ERC1: variants seen among roughly 807,000 people sequenced by gnomAD.
The protein encoded by ERC1 is ELKS/RAB6-interacting/CAST family member 1, also known as RAB6 interacting protein 2.
ERC1 carries 56 observed loss-of-function variants against 132.0 expected under a neutral mutation model. The observed-to-expected ratio is 0.42, with a 90% CI of 0.34 to 0.53. The LOEUF is 0.53. ERC1 is among the 20% of genes least tolerant of loss of function. The pLI is 0.03. For synonymous variants in ERC1, 478 were observed against 476.1 expected, an observed-to-expected ratio of 1.00 and a Z score of -0.05; for missense variants, 1,202 against 1,349.9, an observed-to-expected ratio of 0.89 and a Z score of 1.72.
chr12:1,473,154 T>C (rs1195438052), intron 18 of ERC1, among the ~76,000 whole-genome samples: 1 of 152,076 alleles, frequency 6.6e-6, no homozygotes, highest in African/African-American at 2.4e-5. Context: ...GCTTCCTGAG[T>C]AGCTAGGATT....
At chr12:1,289,111 A>G (rs1347475748) in intron 14 of ERC1, among the ~76,000 whole-genome samples, 1 of 145,818 alleles carries the variant, frequency 6.9e-6, no homozygotes, top group East Asian at 2.0e-4. Context: ...ACACACACAC[A>G]CACACACACA....
chr12:1,296,536 C>T (rs939388074), intron 15 of ERC1, among the ~76,000 whole-genome samples: 4 of 151,300 alleles, frequency 2.6e-5, no homozygotes, highest in African/African-American at 9.7e-5. Flanking sequence ...GCCTCAGCCT[C>T]CCGAGTAGCT....
At chr12:996,356 CCT>C (rs1960907949) in intron 1 of ERC1, among the ~76,000 whole-genome samples, 2 of 147,770 alleles carry the variant, frequency 1.4e-5, no homozygotes, top group African/African-American at 5.0e-5. Flanking sequence ...CGCGCCTTGG[CCT>C]CTCAGAGTGC....
intron 12 of ERC1, chr12:1,204,388 C>A: frequency 1.2e-6 from 1 of 863,974 alleles, no homozygotes; most frequent in Non-Finnish European, 1.8e-6. Context: ...TCCTTCCCTT[C>A]TCTAATCCTG....
At chr12:1,348,074 T>C (rs1032505427) in intron 15 of ERC1, among the ~76,000 whole-genome samples, 1 of 152,198 alleles carries the variant, frequency 6.6e-6, no homozygotes, top group African/African-American at 2.4e-5. Context: ...CATTTTACAA[T>C]GTGTTGTCTG....
intron 1 of ERC1, among the ~76,000 whole-genome samples, chr12:993,490 G>C (rs1357601908): frequency 6.6e-6 from 1 of 152,182 alleles, no homozygotes; most frequent in Non-Finnish European, 1.5e-5. Context: ...AATGTTGCTT[G>C]CTAGTCATTA....
At chr12:1,015,349 A>G (rs993139481) in intron 1 of ERC1, among the ~76,000 whole-genome samples, 7 of 152,126 alleles carry the variant, frequency 4.6e-5, no homozygotes, top group Admixed American at 3.3e-4. Flanking sequence ...ATGAGCCACC[A>G]TGCCTGGCCA....
intron 14 of ERC1, among the ~76,000 whole-genome samples, chr12:1,288,897 GA>G (rs1240216920): frequency 6.6e-6 from 1 of 151,994 alleles, no homozygotes; most frequent in Non-Finnish European, 1.5e-5. Flanking sequence ...TAGCCACCTG[GA>G]ATAAGTGGAA....
chr12:1,206,905 T>A (rs549228401), intron 12 of ERC1, among the ~76,000 whole-genome samples: 1 of 152,250 alleles, frequency 6.6e-6, no homozygotes, highest in South Asian at 2.1e-4. Flanking sequence ...AGGTTGCACA[T>A]TTTTTGTGTG....
intron 15 of ERC1, among the ~76,000 whole-genome samples, chr12:1,341,063 C>CTTTTTTTTTTTTTTTT (rs1437502422): frequency 4.4e-5 from 2 of 45,160 alleles, no homozygotes; most frequent in Non-Finnish European, 9.1e-5. Context: ...TTATTCTTTT[C>CTTTTTTTTTTTTTTTT]TTTTTCTTTT....
intron 2 of ERC1, among the ~76,000 whole-genome samples, chr12:1,048,767 G>T (rs2154166685): frequency 6.6e-6 from 1 of 152,280 alleles, no homozygotes; most frequent in Non-Finnish European, 1.5e-5. Flanking sequence ...TATAGTCTGT[G>T]CAAGACATTG....
Position 1,189,877 on chromosome 12 carries a change from G to T in ERC1, c.2176G>T (p.Glu726Ter). 6.2e-7 allele frequency: 1 copy of T among 1,607,394 alleles called. No homozygotes were observed. Among genetic ancestry groups the T allele is most frequent in the Non-Finnish European group, 8.5e-7 (1 of 1,176,520 alleles). ...TTTGTAGGCACATGAGGCAGCATTG[G>T]AAGCCAGAGCCAGTCCAGAGATGAG... ...QLKKAHEAAL[E>*]ARASPEMSDR... Residue 726 changes from glutamate to a stop codon, truncating the protein, a stop_gained, in exon 12 of 19, where the codon GAA becomes TAA. Coordinates refer to ENST00000360905, the MANE Select transcript of ERC1 (RefSeq NM_178040.4). LOFTEE classifies it high-confidence loss of function.
chr12:1,328,265 G>A (rs1483692193), intron 15 of ERC1, among the ~76,000 whole-genome samples: 1 of 151,978 alleles, frequency 6.6e-6, no homozygotes, highest in Non-Finnish European at 1.5e-5. Context: ...TCCTGCCTCA[G>A]CCTCCCAAGT....
intron 15 of ERC1, among the ~76,000 whole-genome samples, chr12:1,340,234 C>G (rs2083701958): frequency 6.6e-6 from 1 of 152,120 alleles, no homozygotes; most frequent in Admixed American, 6.5e-5. Context: ...AAGAGGTGCT[C>G]AGGTTGGACC....
intron 1 of ERC1, among the ~76,000 whole-genome samples, chr12:1,019,955 G>A (rs927241796): frequency 2.6e-5 from 4 of 151,374 alleles, no homozygotes; most frequent in Non-Finnish European, 4.4e-5. Context: ...GGATCTTGCC[G>A]TGTTGTCCAG....
chr12:1,133,032 A>G (rs567731509), intron 7 of ERC1, among the ~76,000 whole-genome samples: 11 of 151,768 alleles, frequency 7.2e-5, no homozygotes, highest in Admixed American at 2.0e-4. Flanking sequence ...ATTTTTCTGT[A>G]TTTTTAGTAG....
intron 1 of ERC1, among the ~76,000 whole-genome samples, chr12:1,023,102 G>T (rs928464128): frequency 6.6e-6 from 1 of 152,152 alleles, no homozygotes; most frequent in South Asian, 2.1e-4. Context: ...AGTCTTATGG[G>T]TAGTTCTACA....
intron 15 of ERC1, among the ~76,000 whole-genome samples, chr12:1,313,691 A>AT (rs1157835536): frequency 6.6e-6 from 1 of 151,356 alleles, no homozygotes; most frequent in African/African-American, 2.4e-5. Flanking sequence ...AATATTCTAA[A>AT]ATTTTTTTTT....
intron 6 of ERC1, among the ~76,000 whole-genome samples, chr12:1,114,748 C>G (rs1946270029): frequency 6.6e-6 from 1 of 152,144 alleles, no homozygotes; most frequent in Non-Finnish European, 1.5e-5. Context: ...TCCTCAGGTA[C>G]TTTGTATACA....
Sources: gnomAD v4.1 joint callset for allele counts (sites outside exome capture counted in the v4.1 genomes callset) on GRCh38, gnomAD v4.1.1 for gene constraint, MANE v1.5 for transcripts, NCBI Gene and HGNC (gene_info 2026-07-23, HGNC 2026-07-21) for gene names.